Variants in SLC35A1 observed in about 807,000 individuals in gnomAD.
The protein encoded by SLC35A1 is solute carrier family 35 member A1.
A neutral mutation model predicts 40.3 loss-of-function variants in SLC35A1; 21 were observed. The ratio of observed to expected loss-of-function variants is 0.52; its 90% CI spans 0.37 to 0.75. SLC35A1 has a LOEUF of 0.75. Among genes scored for constraint, SLC35A1 ranks in the 30% least tolerant of loss-of-function variants. The probability of loss-of-function intolerance (pLI) is 0.00; values close to 1 mark genes in which losing one functional copy is unlikely to be tolerated. For synonymous variants in SLC35A1, 146 were observed against 147.3 expected, an observed-to-expected ratio of 0.99 and a Z score of 0.06; for missense variants, 297 against 382.1, an observed-to-expected ratio of 0.78 and a Z score of 1.86.
rs560683812 is a variant in SLC35A1 at position 87,479,843 on chromosome 6, C to G, written c.194+2304C>G. ...AATCCTGCAGCTATTTGATTTCGGG[C>G]TTTAAATTGATCTGGTATTCCCCGT... On this transcript the variant is annotated intron_variant, in intron 2 of 7. Coordinates refer to ENST00000369552, the MANE Select transcript of SLC35A1 (RefSeq NM_006416.5). 2.6e-5 allele frequency among the ~76,000 whole-genome samples: 4 copies of G among 152,308 alleles called. No homozygotes were observed. The East Asian group carries it at 7.7e-4, about 29-fold the overall frequency.
intron 2 of SLC35A1, among the ~76,000 whole-genome samples, chr6:87,488,799 C>T (rs1769460911): frequency 6.6e-6 from 1 of 152,194 alleles, no homozygotes; most frequent in Non-Finnish European, 1.5e-5. Flanking sequence ...TTCATACAAT[C>T]TCTGACTAAA....
rs1182889996 is a variant in SLC35A1 at position 87,506,585 on chromosome 6, T to C, written c.574+137T>C. The stretch of plus-strand genomic sequence containing the variant: ...ATCTTCTTGCTTATATTTAGTTTTA[T>C]GTCAGCTGTTTTTCCAGTAAATGTA... On this transcript the variant is annotated intron_variant, in intron 5 of 7. Transcript: ENST00000369552. The C allele has an allele frequency of 5.3e-6, 4 of 758,032 alleles. No individual in the cohort carries two copies. The East Asian group carries it at 1.1e-4, about 20-fold the overall frequency. 47.0% of individuals were successfully genotyped at this position (758,032 alleles called of 1,614,324 possible). A position where few individuals can be genotyped will look rare whatever the true frequency, so the allele number is the denominator to read the frequency against.
intron 4 of SLC35A1, among the ~76,000 whole-genome samples, chr6:87,502,527 A>G (rs896182000): frequency 6.6e-6 from 1 of 152,242 alleles, no homozygotes; most frequent in Non-Finnish European, 1.5e-5. Context: ...TTCCTAGGCT[A>G]CAAACTTCTG....
At chr6:87,506,934 A>G (rs550546857) in intron 5 of SLC35A1, 1 of 166,288 alleles carries the variant, frequency 6.0e-6, no homozygotes, top group African/African-American at 2.4e-5. Context: ...CTTAGAAAAC[A>G]TAATACATAA....
chr6:87,501,823 T>C (rs1035612186), intron 4 of SLC35A1, among the ~76,000 whole-genome samples: 1 of 152,242 alleles, frequency 6.6e-6, no homozygotes, highest in Non-Finnish European at 1.5e-5. Context: ...TTACTGATAA[T>C]TGATAATTAT....
At chr6:87,497,072 C>G (rs987816160) in intron 2 of SLC35A1, among the ~76,000 whole-genome samples, 1 of 151,962 alleles carries the variant, frequency 6.6e-6, no homozygotes, top group Non-Finnish European at 1.5e-5. Context: ...AAATTATTTA[C>G]CCTCTTCTTT....
At chr6:87,508,712 A>G (rs933355807) in intron 6 of SLC35A1, 116 bp downstream of exon 6, 3 of 918,264 alleles carry the variant, frequency 3.3e-6, no homozygotes, top group Non-Finnish European at 3.3e-6. Flanking sequence ...TGTAAATACC[A>G]GTTTGAATAT....
At chr6:87,489,251 C>T (rs1403783138) in intron 2 of SLC35A1, among the ~76,000 whole-genome samples, 4 of 150,022 alleles carry the variant, frequency 2.7e-5, no homozygotes, top group Non-Finnish European at 5.9e-5. Flanking sequence ...TGTTGGGAGG[C>T]GGGGTCTAGT....
chr6:87,498,925 CTG>C (rs1769830044), intron 2 of SLC35A1, among the ~76,000 whole-genome samples: 2 of 152,174 alleles, frequency 1.3e-5, no homozygotes, highest in Admixed American at 6.5e-5. Flanking sequence ...GGTGGAAAAT[CTG>C]TGGTATTTTT....
Position 87,496,900 on chromosome 6 carries a change from T to G in SLC35A1, c.195-3608T>G, listed in dbSNP as rs189327830. 4.9e-3 allele frequency among the ~76,000 whole-genome samples: 739 copies of G among 152,176 alleles called. 3 individuals are homozygous for G. The highest frequency in any genetic ancestry group is 8.9e-3 in the Admixed American group (136 of 15,280). ...TTAGGACTGATCATTTGTTTCTATCTCTTTCATAGTAAAACAAAACGATGA... is the reference window on the plus strand; with the variant it reads ...TTAGGACTGATCATTTGTTTCTATCGCTTTCATAGTAAAACAAAACGATGA... On this transcript the variant is annotated intron_variant, in intron 2 of 7. Transcript: ENST00000369552.
intron 6 of SLC35A1, 117 bp from the exon 7 acceptor site, chr6:87,508,924 A>AC: frequency 1.8e-6 from 2 of 1,122,328 alleles, no homozygotes; most frequent in Admixed American, 3.6e-5. Flanking sequence ...TCTAAGGAAA[A>AC]CAGTATTTTC....
chr6:87,503,581 A>G (rs1769985184), intron 4 of SLC35A1, among the ~76,000 whole-genome samples: 3 of 151,998 alleles, frequency 2.0e-5, no homozygotes, highest in Admixed American at 6.6e-5. Flanking sequence ...GCGTGGTGGC[A>G]GGCGCCTGTA....
intron 2 of SLC35A1, among the ~76,000 whole-genome samples, chr6:87,487,445 A>G (rs1769420683): frequency 6.6e-6 from 1 of 152,176 alleles, no homozygotes; most frequent in South Asian, 2.1e-4. Context: ...CCTGTGAGCA[A>G]CTGATCACAT....
chr6:87,511,320 G>C, intron 7 of SLC35A1, 79 bp from the exon 8 acceptor site: 1 of 1,496,962 alleles, frequency 6.7e-7, no homozygotes, highest in Non-Finnish European at 9.2e-7. Context: ...ACAATTAAGA[G>C]TTTTCAAAAT....
At chr6:87,501,580 C>A (rs1395230657) in intron 4 of SLC35A1, among the ~76,000 whole-genome samples, 1 of 152,186 alleles carries the variant, frequency 6.6e-6, no homozygotes, top group Non-Finnish European at 1.5e-5. Flanking sequence ...TTATGGATGA[C>A]AGTCCCCAAA....
At chr6:87,501,422 A>T (rs931095425) in intron 4 of SLC35A1, 112 bp downstream of exon 4, 16 of 1,166,704 alleles carry the variant, frequency 1.4e-5, no homozygotes, top group Admixed American at 1.0e-4. Flanking sequence ...TTGATTTAAA[A>T]TAACTTTTGC....
intron 6 of SLC35A1, among the ~76,000 whole-genome samples, 156 bp from the exon 7 acceptor site, chr6:87,508,885 A>G (rs1375902773): frequency 7.3e-6 from 1 of 136,926 alleles, no homozygotes; most frequent in Non-Finnish European, 1.6e-5. Flanking sequence ...GGAACTACCA[A>G]TTTTAGTACA....
intron 2 of SLC35A1, among the ~76,000 whole-genome samples, chr6:87,497,602 G>A (rs1160771765): frequency 2.0e-5 from 3 of 152,198 alleles, no homozygotes; most frequent in Non-Finnish European, 2.9e-5. Context: ...TGCAGGTATC[G>A]TGATTATTTG....
At chr6:87,501,358 CTTAAGTCTTA>C in intron 4 of SLC35A1, 48 bp downstream of exon 4, 1 of 1,562,746 alleles carries the variant, frequency 6.4e-7, no homozygotes, top group Non-Finnish European at 8.8e-7. Context: ...AGAAAACTTC[CTTAAGTCTTA>C]TACTGTTCAG....
Sources: gnomAD v4.1 joint callset for allele counts (sites outside exome capture counted in the v4.1 genomes callset) on GRCh38, gnomAD v4.1.1 for gene constraint, MANE v1.5 for transcripts, NCBI Gene and HGNC (gene_info 2026-07-23, HGNC 2026-07-21) for gene names.